LRP1B: variants seen among roughly 807,000 people sequenced by gnomAD.
The protein encoded by LRP1B is low-density lipoprotein receptor-related protein 1B.
In LRP1B, 217 loss-of-function variants were observed where a neutral mutation model predicts 556.6. That is an observed-to-expected ratio of 0.39 (90% CI 0.35 to 0.44). The LOEUF (loss-of-function observed/expected upper bound fraction) is 0.44. LRP1B is among the 20% of genes least tolerant of loss of function. The probability of loss-of-function intolerance (pLI) is 1.00; values close to 1 mark genes in which losing one functional copy is unlikely to be tolerated. For missense variants in LRP1B, 5,053 were observed against 5,620.8 expected, an observed-to-expected ratio of 0.90 and a Z score of 3.23; for synonymous variants, 2,047 against 1,865.8, an observed-to-expected ratio of 1.10 and a Z score of -2.50.
At chr2:141,965,780 A>C (rs1159649154) in intron 1 of LRP1B, among the ~76,000 whole-genome samples, 4 of 146,830 alleles carry the variant, frequency 2.7e-5, no homozygotes, top group African/African-American at 7.6e-5. Context: ...ATAATAAATA[A>C]ATAAATAAAT....
intron 3 of LRP1B, among the ~76,000 whole-genome samples, chr2:141,419,054 C>A (rs1023210573): frequency 4.0e-5 from 6 of 151,800 alleles, no homozygotes; most frequent in African/African-American, 7.3e-5. Context: ...TAAGACCATG[C>A]CATATAATTT....
chr2:140,450,846 A>C (rs1389517061), intron 62 of LRP1B, among the ~76,000 whole-genome samples, 185 bp from the exon 63 acceptor site: 6 of 152,158 alleles, frequency 3.9e-5, no homozygotes, highest in Non-Finnish European at 8.8e-5. Flanking sequence ...CCAGGAGAGG[A>C]TACTGCTCAG....
chr2:140,567,367 C>A (rs1353436186), intron 43 of LRP1B, among the ~76,000 whole-genome samples: 1 of 152,158 alleles, frequency 6.6e-6, no homozygotes, highest in East Asian at 1.9e-4. Context: ...CCTTGGGAGC[C>A]AAGTTACCAC....
At chr2:141,416,362 A>G (rs181944466) in intron 3 of LRP1B, among the ~76,000 whole-genome samples, 1 of 152,130 alleles carries the variant, frequency 6.6e-6, no homozygotes, top group African/African-American at 2.4e-5. Context: ...CTTTCATAAG[A>G]CTATTGTGAG....
chr2:141,172,272 A>C (rs1271852861), intron 7 of LRP1B, among the ~76,000 whole-genome samples: 2 of 152,204 alleles, frequency 1.3e-5, no homozygotes, highest in African/African-American at 2.4e-5. Context: ...GCATTATAAC[A>C]TGGTCTCAGC....
intron 1 of LRP1B, among the ~76,000 whole-genome samples, chr2:142,103,603 A>G (rs1706641736): frequency 6.6e-6 from 1 of 152,154 alleles, no homozygotes; most frequent in East Asian, 1.9e-4. Flanking sequence ...TTTTGCAGTT[A>G]AAAAATAAAA....
intron 86 of LRP1B, among the ~76,000 whole-genome samples, chr2:140,259,084 T>C (rs1315783909): frequency 6.6e-6 from 1 of 152,118 alleles, no homozygotes; most frequent in Non-Finnish European, 1.5e-5. Flanking sequence ...TGAGAATTAT[T>C]TCATGGTCTA....
Position 140,541,913 on chromosome 2 carries a change from A to G in LRP1B, c.7253T>C (p.Ile2418Thr). The change falls in exon 44 of 91, where the codon ATA becomes ACA. Residue 2418 changes from isoleucine to threonine, a missense_variant. This residue lies in a region of LRP1B where 3,619 missense variants were observed against 3,931.9 expected (regional missense o/e 0.92). Transcript: ENST00000389484. Reference protein sequence around the residue: ...FLSLAVYDNYIFWSDWGRRAI... With the variant: ...FLSLAVYDNYTFWSDWGRRAI... ...TCTTCTTCCCCAGTCCGACCAGAAT[A>G]TATAATTGTCATAAACAGCCAAACT... The G allele has an allele frequency of 6.2e-7, 1 of 1,612,092 alleles. No homozygotes were observed. Among genetic ancestry groups the G allele is most frequent in the Non-Finnish European group, 8.5e-7 (1 of 1,178,714 alleles).
At chr2:140,360,598 C>T (rs1296958425) in intron 72 of LRP1B, among the ~76,000 whole-genome samples, 1 of 151,596 alleles carries the variant, frequency 6.6e-6, no homozygotes, top group East Asian at 1.9e-4. Context: ...TTACTGAAGA[C>T]TAGCACATTC....
chr2:141,032,353 T>C (rs999514142), intron 11 of LRP1B, among the ~76,000 whole-genome samples: 1 of 152,140 alleles, frequency 6.6e-6, no homozygotes, highest in Non-Finnish European at 1.5e-5. Context: ...GTCTATAGAA[T>C]AGGTAACTAA....
At chr2:141,637,474 A>C (rs1689144691) in intron 2 of LRP1B, among the ~76,000 whole-genome samples, 1 of 152,208 alleles carries the variant, frequency 6.6e-6, no homozygotes, top group South Asian at 2.1e-4. Context: ...TCTTGTGCAA[A>C]GCACATTTTC....
intron 59 of LRP1B, among the ~76,000 whole-genome samples, chr2:140,476,917 G>A (rs1687998918): frequency 6.6e-6 from 1 of 151,938 alleles, no homozygotes; most frequent in Admixed American, 6.6e-5. Flanking sequence ...AACATACTTT[G>A]AAAATCTCAA....
intron 3 of LRP1B, among the ~76,000 whole-genome samples, chr2:141,444,341 T>C (rs893096282): frequency 3.9e-5 from 6 of 152,154 alleles, no homozygotes; most frequent in Admixed American, 3.3e-4. Flanking sequence ...GCTGAGACAA[T>C]GGGGTTTTCT....
chr2:141,070,849 T>C (rs1411649899), intron 7 of LRP1B, among the ~76,000 whole-genome samples: 1 of 151,942 alleles, frequency 6.6e-6, no homozygotes, highest in East Asian at 1.9e-4. Context: ...GCTCTGAAAT[T>C]GTGGCAATAA....
chr2:141,113,956 C>T (rs988806491), intron 7 of LRP1B, among the ~76,000 whole-genome samples: 21 of 152,272 alleles, frequency 1.4e-4, no homozygotes, highest in African/African-American at 3.6e-4. Flanking sequence ...ATCTATTCCC[C>T]GAAATTCTAA....
At chr2:140,313,949 A>G (rs1684413215) in intron 83 of LRP1B, among the ~76,000 whole-genome samples, 1 of 151,946 alleles carries the variant, frequency 6.6e-6, no homozygotes, top group Non-Finnish European at 1.5e-5. Context: ...TATAGACATA[A>G]AATTATCTAA....
intron 76 of LRP1B, among the ~76,000 whole-genome samples, chr2:140,351,426 A>G (rs1185242278): frequency 6.6e-6 from 1 of 152,008 alleles, no homozygotes; most frequent in East Asian, 1.9e-4. Flanking sequence ...TACTTAATTT[A>G]TGCACCTGAG....
chr2:140,617,002 C>T (rs1486549559), intron 41 of LRP1B, among the ~76,000 whole-genome samples: 1 of 151,850 alleles, frequency 6.6e-6, no homozygotes, highest in Admixed American at 6.6e-5. Context: ...TGTATTTGGG[C>T]TTCACATGTG....
intron 41 of LRP1B, among the ~76,000 whole-genome samples, chr2:140,624,434 A>G (rs530120960): frequency 1.3e-5 from 2 of 152,270 alleles, no homozygotes; most frequent in African/African-American, 4.8e-5. Context: ...CTAGCATCAA[A>G]TGTAACACTA....
Sources: allele counts gnomAD v4.1 joint callset (sites outside exome capture counted in the v4.1 genomes callset), GRCh38; gene constraint gnomAD v4.1.1; regional missense constraint gnomAD v4.1.1; transcripts MANE v1.5; gene names NCBI Gene and HGNC (gene_info 2026-07-23, HGNC 2026-07-21).